Variants in NR1H4 observed in about 807,000 individuals in gnomAD.
NR1H4 encodes bile acid receptor.
Under a neutral mutation model 58.5 loss-of-function variants are expected in NR1H4, and 23 were observed. The ratio of observed to expected loss-of-function variants is 0.39; its 90% CI spans 0.28 to 0.56. The LOEUF is 0.56. NR1H4 is among the 20% of genes least tolerant of loss of function. NR1H4 has a pLI of 0.58. For synonymous variants in NR1H4, 214 were observed against 198.0 expected (o/e 1.08, Z -0.68); for missense variants, 487 against 576.9 (o/e 0.84, Z 1.60).
Position 100,563,711 on chromosome 12 carries a change from T to C in NR1H4, c.*222T>C. 3.6e-6 allele frequency: 2 copies of C among 550,758 alleles called. No homozygotes were observed. Among genetic ancestry groups the C allele is most frequent in the South Asian group, 2.5e-5 (1 of 40,618 alleles). 34.1% of individuals were successfully genotyped at this position (550,758 alleles called of 1,614,324 possible). A position where few individuals can be genotyped will look rare whatever the true frequency, so the allele number is the denominator to read the frequency against. ...GGCTCCAGGGAATCCTGCATTCTAATTGGCAAGCCCTGTTTGCCTAATTAA... is the reference window on the plus strand; with the variant it reads ...GGCTCCAGGGAATCCTGCATTCTAACTGGCAAGCCCTGTTTGCCTAATTAA... On this transcript the variant is annotated 3_prime_UTR_variant, in exon 11 of 11. Coordinates refer to ENST00000392986, the MANE Select transcript of NR1H4 (RefSeq NM_001206979.2).
At chr12:100,502,644 T>C (rs1481814648) in intron 3 of NR1H4, among the ~76,000 whole-genome samples, 1 of 152,234 alleles carries the variant, frequency 6.6e-6, no homozygotes, top group African/African-American at 2.4e-5. Context: ...ATCCTCATCT[T>C]ACAATGGTTC....
rs1384229302 is a variant in NR1H4 at position 100,545,658 on chromosome 12, A to AG, written c.1078+4840_1078+4841insG. Among the ~76,000 whole-genome samples the AG allele has an allele frequency of 6.8e-5, 10 of 147,130 alleles. 1 individual carries two copies. The highest frequency in any genetic ancestry group is 1.0e-4 in the African/African-American group (4 of 38,842). On this transcript the variant is annotated intron_variant, in intron 9 of 10. Coordinates refer to ENST00000392986, the MANE Select transcript of NR1H4 (RefSeq NM_001206979.2). ...CCTTGTCTCAAAAAAAAAAAAAAAA[A>AG]AAAAAAAAAAACCAAACGGGGGGCA...
intron 4 of NR1H4, 110 bp downstream of exon 4, chr12:100,511,253 C>T: frequency 7.4e-7 from 1 of 1,348,274 alleles, no homozygotes; most frequent in Non-Finnish European, 1.1e-6. Context: ...ATTTTCTCCT[C>T]CTGTGCGCCT....
intron 3 of NR1H4, among the ~76,000 whole-genome samples, chr12:100,496,014 T>A (rs1188494100): frequency 6.6e-6 from 1 of 152,174 alleles, no homozygotes; most frequent in Non-Finnish European, 1.5e-5. Context: ...CTGGACTCTT[T>A]TCCAGTGGTT....
At chr12:100,504,888 T>C (rs1350602534) in intron 3 of NR1H4, among the ~76,000 whole-genome samples, 1 of 152,128 alleles carries the variant, frequency 6.6e-6, no homozygotes, top group Non-Finnish European at 1.5e-5. Context: ...ATAAGTGCCA[T>C]AATAGAAGTG....
intron 1 of NR1H4, among the ~76,000 whole-genome samples, chr12:100,478,669 A>G (rs1566423885): frequency 1.3e-5 from 2 of 152,340 alleles, no homozygotes. Flanking sequence ...CAGTTCATTT[A>G]GCCATTCCAC....
intron 4 of NR1H4, among the ~76,000 whole-genome samples, chr12:100,531,628 TC>T (rs1261216312): frequency 4.6e-5 from 7 of 152,164 alleles, no homozygotes; most frequent in Non-Finnish European, 1.0e-4. Flanking sequence ...CCTCTCACAA[TC>T]CTCTCCTGAA....
chr12:100,510,782 T>C lies in NR1H4; in HGVS notation c.84T>C (p.Val28=), dbSNP rs763590148. 2 of 1,613,926 alleles carry C rather than the reference T, an allele frequency of 1.2e-6. No homozygotes were observed. Among genetic ancestry groups the C allele is most frequent in the Non-Finnish European group, 1.7e-6 (2 of 1,179,920 alleles). Residue 28 remains valine, a synonymous_variant, in exon 4 of 11, where the codon GTT becomes GTC. Coordinates refer to ENST00000392986, the MANE Select transcript of NR1H4 (RefSeq NM_001206979.2). The stretch of plus-strand genomic sequence containing the variant: ...TTTGTTGTCACTTTTGTTCAGGTGT[T>C]TTAACAGAACAAGTGGCAGGTCCTC... ...EFSFSENLFG[V]LTEQVAGPLG...
At position 100,512,642 on chromosome 12, in the gene NR1H4, A is replaced by C. The variant is rs61941825; in HGVS notation, c.445+1499A>C. On this transcript the variant is annotated intron_variant, in intron 4 of 10. Coordinates refer to ENST00000392986, the MANE Select transcript of NR1H4 (RefSeq NM_001206979.2). Reference sequence around the variant, plus strand: ...GGCAACTGAGCGAGACTCCGTCTCCAAAAAAAAAAAAAGACAATGTAAAAT... The same window carrying C: ...GGCAACTGAGCGAGACTCCGTCTCCCAAAAAAAAAAAAGACAATGTAAAAT... Among the ~76,000 whole-genome samples, 8 of 112,424 alleles carry C rather than the reference A, an allele frequency of 7.1e-5. 1 individual carries two copies. The South Asian group carries it at 2.3e-3, about 32-fold the overall frequency. 73.8% of individuals were successfully genotyped at this position (112,424 alleles called of 152,430 possible).
Position 100,493,331 on chromosome 12 carries a change from CA to C in NR1H4, c.13del (p.Met5Ter). The C allele has an allele frequency of 1.9e-6, 3 of 1,557,954 alleles. No individual in the cohort carries two copies. The highest frequency in any genetic ancestry group is 2.6e-6 in the Non-Finnish European group (3 of 1,134,286). On this transcript the variant is annotated frameshift_variant, in exon 3 of 11. Transcript: ENST00000392986. LOFTEE classifies it high-confidence loss of function. Reference sequence around the variant, plus strand: ...TTCAATTGAAAAATTTGGATGGGATCAAAAATGAATCTCATTGAACATTCCC... The same window carrying C: ...TTCAATTGAAAAATTTGGATGGGATCAAAATGAATCTCATTGAACATTCCC... The part of the protein sequence containing the change: MG[S>X]KMNLIEHSHL...
intron 6 of NR1H4, among the ~76,000 whole-genome samples, chr12:100,535,801 A>T (rs1566464432): frequency 6.6e-6 from 1 of 152,202 alleles, no homozygotes; most frequent in Non-Finnish European, 1.5e-5. Flanking sequence ...AGTTGACATA[A>T]TTATTCACAC....
chr12:100,516,039 G>T (rs1386624627), intron 4 of NR1H4, among the ~76,000 whole-genome samples: 1 of 152,178 alleles, frequency 6.6e-6, no homozygotes, highest in Non-Finnish European at 1.5e-5. Context: ...GAGAATACTG[G>T]CGTAAAAATC....
intron 1 of NR1H4, among the ~76,000 whole-genome samples, chr12:100,489,230 G>A (rs1953556752): frequency 6.6e-6 from 1 of 152,152 alleles, no homozygotes; most frequent in Non-Finnish European, 1.5e-5. Context: ...ATATCCCCAA[G>A]GTAATCTTTA....
intron 9 of NR1H4, among the ~76,000 whole-genome samples, chr12:100,546,496 C>T (rs1210487611): frequency 2.0e-5 from 3 of 151,940 alleles, no homozygotes; most frequent in Admixed American, 6.6e-5. Context: ...GAGTTTGAGA[C>T]CAGCTTGGCC....
intron 9 of NR1H4, among the ~76,000 whole-genome samples, chr12:100,546,700 A>G (rs1041107152): frequency 1.3e-5 from 2 of 150,906 alleles, no homozygotes; most frequent in Non-Finnish European, 2.9e-5. Flanking sequence ...GTCTCAAAAA[A>G]CAAACAAACA....
At chr12:100,521,999 C>G (rs1187266631) in intron 4 of NR1H4, among the ~76,000 whole-genome samples, 1 of 152,084 alleles carries the variant, frequency 6.6e-6, no homozygotes, top group Non-Finnish European at 1.5e-5. Flanking sequence ...AACATGCTTT[C>G]CAATCCCAGC....
chr12:100,523,660 G>A (rs1460549005), intron 4 of NR1H4, among the ~76,000 whole-genome samples: 7 of 152,112 alleles, frequency 4.6e-5, no homozygotes, highest in Admixed American at 3.9e-4. Context: ...ATCATTAGAT[G>A]TGATTTTGTT....
intron 9 of NR1H4, among the ~76,000 whole-genome samples, chr12:100,541,289 CT>C (rs60527013): frequency 0.043 from 6,213 of 144,010 alleles, 385 homozygotes; most frequent in African/African-American, 0.14. Flanking sequence ...TTCTTCCTTT[CT>C]TTTTTTTTTT....
At chr12:100,490,695 A>G (rs1044037158) in intron 1 of NR1H4, among the ~76,000 whole-genome samples, 3 of 152,186 alleles carry the variant, frequency 2.0e-5, no homozygotes, top group Non-Finnish European at 4.4e-5. Flanking sequence ...TATACACATT[A>G]TATATATCCT....
Sources: allele counts gnomAD v4.1 joint callset (sites outside exome capture counted in the v4.1 genomes callset), GRCh38; gene constraint gnomAD v4.1.1; transcripts MANE v1.5; gene names NCBI Gene and HGNC (gene_info 2026-07-23, HGNC 2026-07-21).